The following RNF216 variants were observed in gnomAD, a reference collection of about 807,000 sequenced individuals.
The protein encoded by RNF216 is E3 ubiquitin-protein ligase RNF216.
In RNF216, 72 loss-of-function variants were observed where a neutral mutation model predicts 110.8. The ratio of observed to expected loss-of-function variants is 0.65; its 90% CI spans 0.54 to 0.79. The LOEUF (loss-of-function observed/expected upper bound fraction) is 0.79. Among genes scored for constraint, RNF216 ranks in the 30% least tolerant of loss-of-function variants. The probability of loss-of-function intolerance (pLI) is 0.00; values close to 1 mark genes in which losing one functional copy is unlikely to be tolerated. For synonymous variants in RNF216, 495 were observed against 407.5 expected (o/e 1.21, Z -2.59); for missense variants, 1,342 against 1,141.2 (o/e 1.18, Z -2.54).
At chr7:5,777,408 T>C (rs1401046042) in intron 1 of RNF216, 2 of 152,212 alleles carry the variant, frequency 1.3e-5, no homozygotes, top group South Asian at 2.1e-4. Flanking sequence ...AGCTGTGCTT[T>C]AGAAAAATCA....
At chr7:5,734,467 C>T (rs867324900) in intron 5 of RNF216, among the ~76,000 whole-genome samples, 20 of 152,076 alleles carry the variant, frequency 1.3e-4, no homozygotes, top group Admixed American at 3.3e-4. Context: ...AATTATTGAG[C>T]TGTGCATCTT....
At chr7:5,721,527 T>C (rs73064636) in intron 8 of RNF216, among the ~76,000 whole-genome samples, 42 of 152,352 alleles carry the variant, frequency 2.8e-4, no homozygotes, top group Admixed American at 5.2e-4. Context: ...CTTATAGCCA[T>C]TTGTTGGTGA....
chr7:5,703,526 A>G (rs1792103304), intron 13 of RNF216, among the ~76,000 whole-genome samples: 1 of 152,250 alleles, frequency 6.6e-6, no homozygotes, highest in South Asian at 2.1e-4. Context: ...GCAGATGTGA[A>G]TTTTGGTTGT....
At chr7:5,662,968 C>A (rs563905030) in intron 13 of RNF216, among the ~76,000 whole-genome samples, 4 of 152,186 alleles carry the variant, frequency 2.6e-5, no homozygotes, top group Non-Finnish European at 5.9e-5. Context: ...GAATCCAGCA[C>A]CCACACCCCC....
chr7:5,644,132 G>A (rs1445592096), intron 14 of RNF216, among the ~76,000 whole-genome samples: 1 of 152,124 alleles, frequency 6.6e-6, no homozygotes, highest in Middle Eastern at 3.2e-3. Context: ...TGTGAATTGT[G>A]GTTAAATGAA....
intron 13 of RNF216, among the ~76,000 whole-genome samples, chr7:5,689,453 C>T (rs1033765248): frequency 1.3e-5 from 2 of 151,388 alleles, no homozygotes; most frequent in Admixed American, 6.6e-5. Flanking sequence ...CACATCCCTT[C>T]TGTTGTCAAG....
At chr7:5,760,043 A>T (rs1287289514) in intron 2 of RNF216, among the ~76,000 whole-genome samples, 1 of 152,160 alleles carries the variant, frequency 6.6e-6, no homozygotes, top group Non-Finnish European at 1.5e-5. Flanking sequence ...TCTTCCATGG[A>T]ATTTATAATT....
At chr7:5,635,505 G>A (rs532519505) in intron 15 of RNF216, among the ~76,000 whole-genome samples, 55 of 152,144 alleles carry the variant, frequency 3.6e-4, no homozygotes, top group Non-Finnish European at 6.5e-4. Flanking sequence ...AGGTTTCTGC[G>A]TTTCCTCATC....
intron 13 of RNF216, among the ~76,000 whole-genome samples, chr7:5,705,495 T>C (rs2128624025): frequency 6.6e-6 from 1 of 152,332 alleles, no homozygotes; most frequent in Non-Finnish European, 1.5e-5. Context: ...TCAGTCAGGA[T>C]GTGCTAGGTT....
Position 5,741,138 on chromosome 7 carries a change from G to C in RNF216, c.879C>G (p.Ala293=). Residue 293 remains alanine, a synonymous_variant, in exon 4 of 17, where the codon GCC becomes GCG. Coordinates refer to ENST00000389902, the MANE Select transcript of RNF216 (RefSeq NM_207111.4). ...GISGPSSPQP[A]HPLGEFEDQQ... The stretch of plus-strand genomic sequence containing the variant: ...GGTCTTCAAACTCTCCTAGAGGATG[G>C]GCAGGCTGAGGAGAAGAGGGGCCTG... 1 of 1,614,114 alleles carries C rather than the reference G, an allele frequency of 6.2e-7. No individual in the cohort carries two copies. Among genetic ancestry groups the C allele is most frequent in the Non-Finnish European group, 8.5e-7 (1 of 1,180,024 alleles).
chr7:5,627,388 G>A (rs1282268127), intron 15 of RNF216, among the ~76,000 whole-genome samples: 1 of 152,164 alleles, frequency 6.6e-6, no homozygotes, highest in Admixed American at 6.5e-5. Context: ...TCACGTCTCT[G>A]CTATGAGCAA....
intron 13 of RNF216, among the ~76,000 whole-genome samples, chr7:5,677,253 G>A (rs556201337): frequency 6.6e-6 from 1 of 152,320 alleles, no homozygotes; most frequent in East Asian, 1.9e-4. Flanking sequence ...CCAAGGAGTC[G>A]CTATCTGCTG....
rs139313183 is a variant in RNF216, at chr7:5,706,303, G to A, written c.2061+5458C>T. Among the ~76,000 whole-genome samples, 32 of 151,998 alleles carry A rather than the reference G, an allele frequency of 2.1e-4. No homozygotes were observed. In the East Asian group the frequency reaches 6.0e-3, roughly 28 times the overall value. On this transcript the variant is annotated intron_variant, in intron 13 of 16. Coordinates refer to ENST00000389902, the MANE Select transcript of RNF216 (RefSeq NM_207111.4). ...ACACATTTTTAAGTGTACAGGGTCT[G>A]TTAGCAAAATGTTGTACAGCTGATC...
intron 1 of RNF216, among the ~76,000 whole-genome samples, chr7:5,761,773 G>A (rs1426187290): frequency 2.7e-5 from 4 of 150,318 alleles, no homozygotes; most frequent in Non-Finnish European, 5.9e-5. Flanking sequence ...GCAACAGAGT[G>A]AGACTCCGTC....
At chr7:5,628,549 G>A (rs1295141138) in intron 15 of RNF216, among the ~76,000 whole-genome samples, 1 of 152,122 alleles carries the variant, frequency 6.6e-6, no homozygotes, top group African/African-American at 2.4e-5. Context: ...TTGAGACAGT[G>A]TCTTGCTCTG....
At chr7:5,730,638 G>A in intron 6 of RNF216, 77 bp downstream of exon 6, 1 of 1,593,656 alleles carries the variant, frequency 6.3e-7, no homozygotes, top group South Asian at 1.1e-5. Context: ...TCTTCCCACA[G>A]AGATAACAAC....
At position 5,621,160 on chromosome 7, in the gene RNF216, T is replaced by C. The variant is rs1250675858; in HGVS notation, c.*1700A>G. The C allele has an allele frequency of 6.8e-6, 1 of 146,790 alleles. No homozygotes were observed. The highest frequency in any genetic ancestry group is 2.7e-5 in the African/African-American group (1 of 37,468). 9.1% of individuals were successfully genotyped at this position (146,790 alleles called of 1,614,324 possible). On this transcript the variant is annotated 3_prime_UTR_variant, in exon 17 of 17. Transcript: ENST00000389902. ...CCATCCTGGGCAAAGGCAGAAAGAATGGGTATCTTAGTTTTTTTTTTTTTT... is the reference window on the plus strand; with the variant it reads ...CCATCCTGGGCAAAGGCAGAAAGAACGGGTATCTTAGTTTTTTTTTTTTTT...
intron 5 of RNF216, among the ~76,000 whole-genome samples, chr7:5,732,727 T>C (rs1314496320): frequency 6.6e-6 from 1 of 152,224 alleles, no homozygotes; most frequent in African/African-American, 2.4e-5. Flanking sequence ...TCTGTTCTAA[T>C]ATCTGCACCC....
At chr7:5,706,093 G>A (rs1349198959) in intron 13 of RNF216, among the ~76,000 whole-genome samples, 1 of 151,944 alleles carries the variant, frequency 6.6e-6, no homozygotes, top group African/African-American at 2.4e-5. Context: ...GGTGGCATGT[G>A]CCTGTAGTCC....
Sources: gnomAD v4.1 joint callset for allele counts (sites outside exome capture counted in the v4.1 genomes callset) on GRCh38, gnomAD v4.1.1 for gene constraint, MANE v1.5 for transcripts, NCBI Gene and HGNC (gene_info 2026-07-23, HGNC 2026-07-21) for gene names.